The following CTNNA2 variants were observed in gnomAD, a reference collection of about 807,000 sequenced individuals.
CTNNA2 encodes catenin alpha 2.
A neutral mutation model predicts 101.0 loss-of-function variants in CTNNA2; 42 were observed. That is an observed-to-expected ratio of 0.42 (90% CI 0.32 to 0.54). The LOEUF (loss-of-function observed/expected upper bound fraction) is 0.54, where lower values mean the gene tolerates loss of function less well. Ranked by LOEUF, CTNNA2 falls within the 20% of genes least tolerant of loss-of-function variation. CTNNA2 has a pLI of 0.14. For missense variants in CTNNA2, 871 were observed against 1,223.1 expected, an observed-to-expected ratio of 0.71 and a Z score of 4.29; for synonymous variants, 450 against 456.4, an observed-to-expected ratio of 0.99 and a Z score of 0.18.
chr2:79,742,215 C>T (rs1671334412), intron 2 of CTNNA2, among the ~76,000 whole-genome samples: 2 of 152,152 alleles, frequency 1.3e-5, no homozygotes, highest in African/African-American at 4.8e-5. Flanking sequence ...TGTGTCGGCC[C>T]CTCCAGAAAA....
chr2:79,760,440 T>A (rs1388287872), intron 3 of CTNNA2, among the ~76,000 whole-genome samples: 1 of 151,938 alleles, frequency 6.6e-6, no homozygotes, highest in Non-Finnish European at 1.5e-5. Context: ...TATAGGACAG[T>A]CTGACAGGCT....
At chr2:80,313,995 A>G (rs1677859198) in intron 7 of CTNNA2, among the ~76,000 whole-genome samples, 1 of 152,218 alleles carries the variant, frequency 6.6e-6, no homozygotes, top group African/African-American at 2.4e-5. Flanking sequence ...GAAGGGAGGC[A>G]AGGAAGAGTA....
At chr2:80,134,766 A>G (rs1172740383) in intron 7 of CTNNA2, among the ~76,000 whole-genome samples, 4 of 152,138 alleles carry the variant, frequency 2.6e-5, no homozygotes, top group African/African-American at 7.2e-5. Flanking sequence ...ATTGTTCCTT[A>G]GATTTCTTCC....
intron 7 of CTNNA2, among the ~76,000 whole-genome samples, chr2:80,357,574 A>G (rs892188428): frequency 6.6e-6 from 1 of 152,076 alleles, no homozygotes; most frequent in African/African-American, 2.4e-5. Context: ...CCCGATTCCA[A>G]GTGGGACCAA....
At chr2:80,566,258 G>T (rs755852677) in intron 12 of CTNNA2, among the ~76,000 whole-genome samples, 9 of 152,148 alleles carry the variant, frequency 5.9e-5, no homozygotes, top group African/African-American at 9.7e-5. Flanking sequence ...GAAAACAGAA[G>T]CCAGCATCAT....
intron 1 of CTNNA2, among the ~76,000 whole-genome samples, chr2:79,197,493 G>T (rs933917002): frequency 6.6e-6 from 1 of 152,174 alleles, no homozygotes; most frequent in East Asian, 1.9e-4. Context: ...GGTTTTCAGT[G>T]CTTGTTGCTG....
intron 3 of CTNNA2, among the ~76,000 whole-genome samples, chr2:79,750,904 T>G (rs2105027651): frequency 6.6e-6 from 1 of 151,666 alleles, no homozygotes; most frequent in South Asian, 2.1e-4. Flanking sequence ...AAGACTTACC[T>G]AGGAGAAACA....
chr2:80,435,130 C>G (rs1233585397), intron 9 of CTNNA2, among the ~76,000 whole-genome samples: 1 of 152,146 alleles, frequency 6.6e-6, no homozygotes, highest in African/African-American at 2.4e-5. Context: ...ATTGCAACAA[C>G]CAAAAATGAT....
chr2:79,417,942 C>T (rs937679320), intron 4 of CTNNA2, among the ~76,000 whole-genome samples: 2 of 151,950 alleles, frequency 1.3e-5, no homozygotes, highest in African/African-American at 4.8e-5. Flanking sequence ...TTGGCCATAC[C>T]ACGTGGGAAA....
intron 4 of CTNNA2, among the ~76,000 whole-genome samples, chr2:79,862,938 C>T (rs928531783): frequency 2.6e-5 from 4 of 152,162 alleles, no homozygotes; most frequent in Non-Finnish European, 4.4e-5. Flanking sequence ...GTAATAGCTT[C>T]AGGCAAGGCT....
chr2:80,044,242 A>G (rs1486005991), intron 7 of CTNNA2, among the ~76,000 whole-genome samples: 1 of 152,208 alleles, frequency 6.6e-6, no homozygotes, highest in Admixed American at 6.5e-5. Flanking sequence ...AAGATAACAT[A>G]GCCGCACACC....
chr2:80,101,311 A>G (rs1222610176), intron 7 of CTNNA2, among the ~76,000 whole-genome samples: 2 of 152,216 alleles, frequency 1.3e-5, no homozygotes, highest in Non-Finnish European at 2.9e-5. Context: ...CACACTGTCA[A>G]CCTAAGTTCT....
chr2:79,932,226 C>T (rs1423037459), intron 7 of CTNNA2, among the ~76,000 whole-genome samples: 2 of 152,068 alleles, frequency 1.3e-5, no homozygotes, highest in African/African-American at 2.4e-5. Context: ...CCTCCAGAGC[C>T]CTCCCTTTCT....
chr2:79,465,214 T>C (rs1670920118), intron 4 of CTNNA2, among the ~76,000 whole-genome samples: 4 of 152,240 alleles, frequency 2.6e-5, no homozygotes. Context: ...TTAGCCAGTT[T>C]TCCCAGTACC....
intron 3 of CTNNA2, among the ~76,000 whole-genome samples, chr2:79,834,511 A>G (rs529435231): frequency 6.6e-6 from 1 of 152,026 alleles, no homozygotes. Context: ...TTCAGTTGGT[A>G]TGCTTTTCAT....
intron 7 of CTNNA2, among the ~76,000 whole-genome samples, chr2:79,949,605 A>G (rs1688740942): frequency 6.6e-6 from 1 of 151,510 alleles, no homozygotes; most frequent in Non-Finnish European, 1.5e-5. Context: ...TTGCCTCTAC[A>G]AAGTAAGTAA....
intron 4 of CTNNA2, among the ~76,000 whole-genome samples, chr2:79,473,696 A>T (rs920984108): frequency 6.6e-6 from 1 of 152,218 alleles, no homozygotes; most frequent in Non-Finnish European, 1.5e-5. Context: ...TCTTTTTCAG[A>T]CAAACAGGAA....
chr2:80,482,454 A>G (rs1686224162), intron 9 of CTNNA2, among the ~76,000 whole-genome samples: 1 of 152,176 alleles, frequency 6.6e-6, no homozygotes, highest in South Asian at 2.1e-4. Flanking sequence ...TGAGACGGAC[A>G]GTCTGTCACA....
chr2:80,071,314 A>G (rs1698326127), intron 7 of CTNNA2, among the ~76,000 whole-genome samples: 1 of 152,240 alleles, frequency 6.6e-6, no homozygotes, highest in South Asian at 2.1e-4. Context: ...TTTTGCTGAA[A>G]TATACCTCCT....
Sources: gnomAD v4.1 joint callset for allele counts (sites outside exome capture counted in the v4.1 genomes callset) on GRCh38, gnomAD v4.1.1 for gene constraint, MANE v1.5 for transcripts, NCBI Gene and HGNC (gene_info 2026-07-23, HGNC 2026-07-21) for gene names.